NDOR1: variants seen among roughly 807,000 people sequenced by gnomAD.
NDOR1 encodes NADPH-dependent diflavin oxidoreductase 1.
Under a neutral mutation model 67.2 loss-of-function variants are expected in NDOR1, and 61 were observed. The ratio of observed to expected loss-of-function variants is 0.91; its 90% CI spans 0.74 to 1.12. The LOEUF is 1.12. Among genes scored for constraint, NDOR1 ranks in the 50% most tolerant of loss-of-function variants. The pLI, the probability that NDOR1 is intolerant of heterozygous loss-of-function variation, is 0.00. For synonymous variants in NDOR1, 378 were observed against 343.7 expected (o/e 1.10, Z -1.10); for missense variants, 878 against 802.8 (o/e 1.09, Z -1.13).
chr9:137,214,130 C>A, intron 5 of NDOR1, 62 bp downstream of exon 5: 2 of 1,532,884 alleles, frequency 1.3e-6, no homozygotes, highest in Non-Finnish European at 1.8e-6. Context: ...GGGGACCTCG[C>A]CCTGGGTCCC....
In NDOR1 at chr9:137,214,040, G is replaced by A. The variant is rs748655791; in HGVS notation, c.484G>A (p.Gly162Ser). The A allele has an allele frequency of 2.6e-6, 4 of 1,544,810 alleles. No individual in the cohort carries two copies. In the South Asian group the frequency reaches 4.7e-5, roughly 18 times the overall value. ...TCTGGGGCTGTACCCGCCGCCTCCG[G>A]GCCTCACTGAGATCCCTCCCGGAGT... The part of the protein sequence containing the change: ...RVLGLYPPPP[G>S]LTEIPPGVPL... The change falls in exon 5 of 14, where the codon GGC becomes AGC. Residue 162 changes from glycine to serine, a missense_variant. Transcript: ENST00000684003.
At chr9:137,215,635 C>T (rs1436591072) in intron 10 of NDOR1, 24 bp from the exon 11 acceptor site, 22 of 1,579,834 alleles carry the variant, frequency 1.4e-5, no homozygotes, top group Non-Finnish European at 1.4e-5. Context: ...TGATCCTCTT[C>T]ATGCCACCTC....
intron 2 of NDOR1, among the ~76,000 whole-genome samples, chr9:137,207,477 G>C (rs1415189588): frequency 6.6e-6 from 1 of 152,032 alleles, no homozygotes; most frequent in Admixed American, 6.6e-5. Context: ...CTCCAAGGAA[G>C]ATCCTGGGGC....
intron 3 of NDOR1, among the ~76,000 whole-genome samples, chr9:137,213,264 A>G (rs1033680034): frequency 2.0e-5 from 3 of 151,316 alleles, no homozygotes; most frequent in African/African-American, 7.4e-5. Flanking sequence ...TGTGGGACAC[A>G]GTGTTCGTTC....
intron 3 of NDOR1, 83 bp from the exon 4 acceptor site, chr9:137,213,697 C>CTCCACTCTCCCGGGT (rs1835372113): frequency 7.3e-7 from 1 of 1,373,896 alleles, no homozygotes; most frequent in Admixed American, 2.4e-5. Flanking sequence ...TTCGCCCGGG[C>CTCCACTCTCCCGGGT]TCCACTCTCC....
rs541997928 is a variant in NDOR1 at position 137,212,361 on chromosome 9, G to C, written c.214-141G>C. On this transcript the variant is annotated intron_variant, in intron 2 of 13. Transcript: ENST00000684003. This position sits in a 1 kb window ranked among gnomAD's most constrained non-coding sequence, Gnocchi z 4.3. ...ATCCTGCAGGCTGGACCTGGGCCCT[G>C]CCTTTTGGTCAGATAGGTCCAGTTG... 5 of 706,286 alleles carry C rather than the reference G, an allele frequency of 7.1e-6. No individual in the cohort carries two copies. Among genetic ancestry groups the C allele is most frequent in the Non-Finnish European group, 9.8e-6 (4 of 407,062 alleles). 43.8% of individuals were successfully genotyped at this position (706,286 alleles called of 1,614,324 possible). A position where few individuals can be genotyped will look rare whatever the true frequency, so the allele number is the denominator to read the frequency against.
At chr9:137,208,007 C>T (rs1002475443) in intron 2 of NDOR1, among the ~76,000 whole-genome samples, 3 of 151,434 alleles carry the variant, frequency 2.0e-5, no homozygotes, top group Non-Finnish European at 4.4e-5. Context: ...CTGGGCACGG[C>T]GCAGTGGTGC....
rs1475060464 is a variant in NDOR1 at position 137,218,137 on chromosome 9, C to T, written c.*1721C>T. 2 of 398,406 alleles carry T rather than the reference C, an allele frequency of 5.0e-6. No homozygotes were observed. Among genetic ancestry groups the T allele is most frequent in the Non-Finnish European group, 8.8e-6 (2 of 226,042 alleles). The allele number at this position is 398,406 out of a possible 1,614,324, so 24.7% of individuals were successfully genotyped here. The stretch of plus-strand genomic sequence containing the variant: ...GCCGCCTGGCCCTGCTGAACTGTAG[C>T]CACGGCCTGTGTGTGGGCTGCCTGC... On this transcript the variant is annotated 3_prime_UTR_variant, in exon 14 of 14. Coordinates refer to ENST00000684003, the MANE Select transcript of NDOR1 (RefSeq NM_014434.4).
intron 2 of NDOR1, among the ~76,000 whole-genome samples, chr9:137,208,215 C>T (rs1266029530): frequency 4.0e-4 from 60 of 150,682 alleles, no homozygotes; most frequent in African/African-American, 1.3e-3. Context: ...TTTGGGAGGC[C>T]GAGGCAGGCA....
rs746556118 is a variant in NDOR1 at position 137,212,083 on chromosome 9, CAG to C, written c.214-418_214-417del. On this transcript the variant is annotated intron_variant, in intron 2 of 13. Coordinates refer to ENST00000684003, the MANE Select transcript of NDOR1 (RefSeq NM_014434.4). This position sits in a 1 kb window ranked among gnomAD's most constrained non-coding sequence, Gnocchi z 4.3. The stretch of plus-strand genomic sequence containing the variant: ...TAGGAGCCTCTGGGACAGACCAACT[CAG>C]GGAGTGGAGGCCCACGCTCTGGCTG... Among the ~76,000 whole-genome samples the C allele has an allele frequency of 3.1e-4, 47 of 152,268 alleles. No homozygotes were observed. Among genetic ancestry groups the C allele is most frequent in the Non-Finnish European group, 5.7e-4 (39 of 68,002 alleles).
chr9:137,217,644 G>A lies in NDOR1; in HGVS notation c.*1228G>A. ...CACCCAGAGCAGGCAGGCCTTGCTG[G>A]GGCCCCAGTCAAGTCCACTTCCAGT... On this transcript the variant is annotated 3_prime_UTR_variant, in exon 14 of 14. Coordinates refer to ENST00000684003, the MANE Select transcript of NDOR1 (RefSeq NM_014434.4). 1 of 228,666 alleles carries A rather than the reference G, an allele frequency of 4.4e-6. No individual in the cohort carries two copies. Among genetic ancestry groups the A allele is most frequent in the Non-Finnish European group, 8.5e-6 (1 of 118,174 alleles). 14.2% of individuals were successfully genotyped at this position (228,666 alleles called of 1,614,324 possible).
chr9:137,213,754 C>T, intron 3 of NDOR1, 26 bp from the exon 4 acceptor site: 1 of 1,608,816 alleles, frequency 6.2e-7, no homozygotes, highest in Non-Finnish European at 8.5e-7. Flanking sequence ...GGCTCCAGCC[C>T]AGGACCAGCC....
Position 137,216,012 on chromosome 9 carries a change from G to C in NDOR1, c.1549G>C (p.Glu517Gln). 6.2e-7 allele frequency: 1 copy of C among 1,613,562 alleles called. No homozygotes were observed. The highest frequency in any genetic ancestry group is 8.5e-7 in the Non-Finnish European group (1 of 1,180,020). Residue 517 changes from glutamate (E) to glutamine (Q), a missense_variant, in exon 12 of 14, where the codon GAA (glutamate) becomes CAA (glutamine). Glu to Gln is a conservative substitution (Grantham distance 29, BLOSUM62 2). Coordinates refer to ENST00000684003, the MANE Select transcript of NDOR1 (RefSeq NM_014434.4). ...GACCCTCATCCCTGCCTTCTCCCGG[G>C]AACAGGTGTGTATGCTCAGGGGCTG... is the stretch of plus-strand genomic sequence containing the variant. ...CLTLIPAFSREQEQKVYVQHR... is the reference protein window; with the variant it reads ...CLTLIPAFSRQQEQKVYVQHR...
Position 137,217,068 on chromosome 9 carries a change from G to T in NDOR1, c.*652G>T, listed in dbSNP as rs1835647748. On this transcript the variant is annotated 3_prime_UTR_variant, in exon 14 of 14. Coordinates refer to ENST00000684003, the MANE Select transcript of NDOR1 (RefSeq NM_014434.4). ...CCTCCCGGTGCCCTGGGTGCTGGGT[G>T]CTGGATGGATGGGCGTCCTCTAGCT... is the stretch of plus-strand genomic sequence containing the variant. 1 of 186,052 alleles carries T rather than the reference G, an allele frequency of 5.4e-6. No homozygotes were observed. The highest frequency in any genetic ancestry group is 1.8e-4 in the East Asian group (1 of 5,456). 11.5% of individuals were successfully genotyped at this position (186,052 alleles called of 1,614,324 possible).
At chr9:137,206,591 G>C (rs986243426) in intron 2 of NDOR1, among the ~76,000 whole-genome samples, 2 of 152,180 alleles carry the variant, frequency 1.3e-5, no homozygotes, top group Admixed American at 6.5e-5. Context: ...TTTCTAGACT[G>C]TATGACCCTC....
At position 137,217,597 on chromosome 9, in the gene NDOR1, A is replaced by C; in HGVS notation, c.*1181A>C. On this transcript the variant is annotated 3_prime_UTR_variant, in exon 14 of 14. Transcript: ENST00000684003. The stretch of plus-strand genomic sequence containing the variant: ...GCTCCAGCCAGATCTGGCTGGGGAC[A>C]GCACCGCGTGGGCCCAGGATCCACC... 5.7e-6 allele frequency: 1 copy of C among 175,186 alleles called. No individual in the cohort carries two copies. Among genetic ancestry groups the C allele is most frequent in the Non-Finnish European group, 1.2e-5 (1 of 83,914 alleles). 10.9% of individuals were successfully genotyped at this position (175,186 alleles called of 1,614,324 possible).
intron 2 of NDOR1, among the ~76,000 whole-genome samples, chr9:137,209,217 C>G (rs1384120211): frequency 6.6e-6 from 1 of 152,066 alleles, no homozygotes; most frequent in South Asian, 2.1e-4. Flanking sequence ...AGGGGAGAGA[C>G]AGGAGAAAGA....
At chr9:137,208,245 C>T (rs966133785) in intron 2 of NDOR1, among the ~76,000 whole-genome samples, 4 of 150,272 alleles carry the variant, frequency 2.7e-5, no homozygotes, top group Non-Finnish European at 5.9e-5. Context: ...GTCAGGAGAT[C>T]GAGACCATCC....
In NDOR1 at chr9:137,214,847, C is replaced by T. The variant is rs547315488; in HGVS notation, c.894C>T (p.Leu298=). 8.1e-4 allele frequency: 1,296 copies of T among 1,609,390 alleles called. 19 individuals are homozygous for T. The South Asian group carries it at 0.013, about 16-fold the overall frequency. ...CCCAGCCCTGCTCCATGCGGCACCT[C>T]GTGTCCCACTACCTGGACATCGCCA... ...RLPQPCSMRH[L]VSHYLDIASV... is the part of the protein sequence containing the mutation. Residue 298 remains leucine, a synonymous_variant, in exon 8 of 14, where the codon CTC becomes CTT. Coordinates refer to ENST00000684003, the MANE Select transcript of NDOR1 (RefSeq NM_014434.4).
Sources: gnomAD v4.1 joint callset for allele counts (sites outside exome capture counted in the v4.1 genomes callset) on GRCh38, gnomAD v4.1.1 for gene constraint, Gnocchi (gnomAD v3.1) non-coding constraint, MANE v1.5 for transcripts, NCBI Gene and HGNC (gene_info 2026-07-23, HGNC 2026-07-21) for gene names.